Variants in SORCS2 observed in about 807,000 individuals in gnomAD.
SORCS2 encodes the protein VPS10 domain-containing receptor SorCS2.
In SORCS2, 100 loss-of-function variants were observed where a neutral mutation model predicts 141.6. The observed-to-expected ratio is 0.71, with a 90% CI of 0.60 to 0.83. The LOEUF (loss-of-function observed/expected upper bound fraction) is 0.83, where lower values mean the gene tolerates loss of function less well. Ranked by LOEUF, SORCS2 falls within the 40% of genes least tolerant of loss-of-function variation. The pLI is 0.00. For synonymous variants in SORCS2, 789 were observed against 676.9 expected (o/e 1.17, Z -2.57); for missense variants, 1,646 against 1,560.2 (o/e 1.05, Z -0.93).
Position 7,664,472 on chromosome 4 carries a change from G to A in SORCS2, c.1071+1G>A, listed in dbSNP as rs1722379612. 1 of 1,600,352 alleles carries A rather than the reference G, an allele frequency of 6.2e-7. No individual in the cohort carries two copies. Among genetic ancestry groups the A allele is most frequent in the Admixed American group, 1.7e-5 (1 of 59,106 alleles). The stretch of plus-strand genomic sequence containing the variant: ...GCAGGACGATTACATCTTCTTTAAG[G>A]TAAGGTTGCTTCTGGGGCTTTTGGA... On this transcript the variant is annotated splice_donor_variant, in intron 7 of 26. Transcript: ENST00000507866. LOFTEE classifies it high-confidence loss of function. The surrounding 1 kb of genome is among the most constrained non-coding windows in gnomAD (Gnocchi z 4.7).
At chr4:7,289,764 C>T (rs1185864003) in intron 1 of SORCS2, among the ~76,000 whole-genome samples, 3 of 152,224 alleles carry the variant, frequency 2.0e-5, no homozygotes, top group African/African-American at 4.8e-5. Flanking sequence ...GCTGCAGAGG[C>T]GGACGTGGGT....
intron 3 of SORCS2, among the ~76,000 whole-genome samples, chr4:7,583,676 C>T (rs28671595): frequency 0.075 from 11,407 of 152,256 alleles, 566 homozygotes; most frequent in East Asian, 0.13. Flanking sequence ...TCTGCTGCCA[C>T]GTAAGATGTG....
chr4:7,312,664 G>T (rs1270934052), intron 1 of SORCS2, among the ~76,000 whole-genome samples: 1 of 152,118 alleles, frequency 6.6e-6, no homozygotes, highest in Non-Finnish European at 1.5e-5. Flanking sequence ...TGCAGAAAGG[G>T]CTCCTGTCCA....
chr4:7,341,664 A>G (rs1720374808), intron 1 of SORCS2, among the ~76,000 whole-genome samples: 1 of 152,218 alleles, frequency 6.6e-6, no homozygotes. Flanking sequence ...TGTGCATGAC[A>G]TCATTCAATC....
At chr4:7,397,156 C>A (rs1480767609) in intron 2 of SORCS2, among the ~76,000 whole-genome samples, 2 of 152,264 alleles carry the variant, frequency 1.3e-5, no homozygotes, top group Non-Finnish European at 2.9e-5. Flanking sequence ...TAAAAAGATG[C>A]CTCTACCTGC....
intron 2 of SORCS2, among the ~76,000 whole-genome samples, chr4:7,470,367 A>G (rs796534168): frequency 6.8e-6 from 1 of 146,842 alleles, no homozygotes; most frequent in South Asian, 2.1e-4. Flanking sequence ...CCATCCATCC[A>G]TCCTTCCATC....
intron 1 of SORCS2, among the ~76,000 whole-genome samples, chr4:7,372,794 G>A (rs10004693): frequency 0.023 from 3,537 of 152,070 alleles, 139 homozygotes; most frequent in African/African-American, 0.081. Flanking sequence ...CCTGTCCGGA[G>A]TGCCGTATAC....
Position 7,321,960 on chromosome 4 carries a change from G to T in SORCS2, c.481-74328G>T, listed in dbSNP as rs145818220. ...CGTGGCTTGGTGTGCATTTAGCCCGGGTGGCTGTATTGACCGTGTTCCTTC... is the reference window on the plus strand; with the variant it reads ...CGTGGCTTGGTGTGCATTTAGCCCGTGTGGCTGTATTGACCGTGTTCCTTC... On this transcript the variant is annotated intron_variant, in intron 1 of 26. Coordinates refer to ENST00000507866, the MANE Select transcript of SORCS2 (RefSeq NM_020777.3). Among the ~76,000 whole-genome samples, 444 of 152,312 alleles carry T rather than the reference G, an allele frequency of 2.9e-3. 3 individuals carry two copies. The highest frequency in any genetic ancestry group is 0.01 in the African/African-American group (421 of 41,554).
chr4:7,600,296 G>T (rs1470031147), intron 3 of SORCS2, among the ~76,000 whole-genome samples: 1 of 152,154 alleles, frequency 6.6e-6, no homozygotes, highest in African/African-American at 2.4e-5. Context: ...TGTCCAAAAT[G>T]GGTGTCACTG....
At chr4:7,390,886 T>A (rs1364655935) in intron 1 of SORCS2, among the ~76,000 whole-genome samples, 1 of 152,192 alleles carries the variant, frequency 6.6e-6, no homozygotes, top group African/African-American at 2.4e-5. Context: ...TCGGCTCTAG[T>A]TTTTGGAAGG....
At chr4:7,484,966 T>A (rs1167528504) in intron 2 of SORCS2, among the ~76,000 whole-genome samples, 5 of 14,546 alleles carry the variant, frequency 3.4e-4, no homozygotes, top group Non-Finnish European at 6.8e-4. Context: ...GTGCGTTGCC[T>A]GCTGTCCCGG....
At chr4:7,724,921 GGATGGTGGTAGTA>G (rs1727079585) in intron 19 of SORCS2, among the ~76,000 whole-genome samples, 5 of 38,878 alleles carry the variant, frequency 1.3e-4, no homozygotes, top group African/African-American at 5.6e-4. Context: ...TGGTGGGAAT[GGATGGTGGTAGTA>G]GTGGTGATGG....
At chr4:7,479,564 G>A (rs1453441241) in intron 2 of SORCS2, among the ~76,000 whole-genome samples, 2 of 152,190 alleles carry the variant, frequency 1.3e-5, no homozygotes, top group African/African-American at 4.8e-5. Context: ...AGGGCTCTGC[G>A]CTGGAGCCCC....
At chr4:7,532,345 C>T (rs1027764202) in intron 3 of SORCS2, among the ~76,000 whole-genome samples, 1 of 152,170 alleles carries the variant, frequency 6.6e-6, no homozygotes, top group Non-Finnish European at 1.5e-5. Flanking sequence ...CTCTCTGTGC[C>T]CCAGTTTCCT....
At chr4:7,485,733 T>A (rs533871308) in intron 2 of SORCS2, among the ~76,000 whole-genome samples, 2 of 152,036 alleles carry the variant, frequency 1.3e-5, no homozygotes, top group South Asian at 4.1e-4. Flanking sequence ...TCCCTGGGGG[T>A]GGCTAGATGC....
intron 18 of SORCS2, among the ~76,000 whole-genome samples, chr4:7,722,336 G>A (rs1036321168): frequency 4.6e-5 from 7 of 152,154 alleles, no homozygotes; most frequent in African/African-American, 1.7e-4. Flanking sequence ...CACAACCAGC[G>A]AGCAGCCTCC....
chr4:7,500,464 C>T (rs1297232842), intron 2 of SORCS2, among the ~76,000 whole-genome samples: 1 of 152,164 alleles, frequency 6.6e-6, no homozygotes, highest in African/African-American at 2.4e-5. Context: ...GCTACCCACA[C>T]TGAAGGCCTC....
intron 1 of SORCS2, among the ~76,000 whole-genome samples, chr4:7,372,114 C>T (rs1299645667): frequency 6.6e-6 from 1 of 152,120 alleles, no homozygotes; most frequent in African/African-American, 2.4e-5. Context: ...CATTGCGGCC[C>T]TTGCTGATAT....
intron 19 of SORCS2, among the ~76,000 whole-genome samples, chr4:7,724,250 T>G (rs865828010): frequency 3.8e-4 from 56 of 145,588 alleles, no homozygotes; most frequent in Middle Eastern, 3.8e-3. Flanking sequence ...GATGGTGACG[T>G]TGGTGTTGGT....
Sources: gnomAD v4.1 joint callset for allele counts (sites outside exome capture counted in the v4.1 genomes callset) on GRCh38, gnomAD v4.1.1 for gene constraint, Gnocchi (gnomAD v3.1) non-coding constraint, MANE v1.5 for transcripts, NCBI Gene and HGNC (gene_info 2026-07-23, HGNC 2026-07-21) for gene names.